PCSK2: variants seen among roughly 807,000 people sequenced by gnomAD.
PCSK2 encodes the protein proprotein convertase subtilisin/kexin type 2, also known as neuroendocrine convertase 2.
Under a neutral mutation model 69.7 loss-of-function variants are expected in PCSK2, and 14 were observed. That is an observed-to-expected ratio of 0.20 (90% CI 0.13 to 0.31). The LOEUF (loss-of-function observed/expected upper bound fraction) is 0.31. Ranked by LOEUF, PCSK2 falls within the 10% of genes least tolerant of loss-of-function variation. The pLI is 1.00. For missense variants in PCSK2, 544 were observed against 842.5 expected (o/e 0.65, Z 4.39); for synonymous variants, 307 against 320.7 (o/e 0.96, Z 0.46).
At chr20:17,468,057 GGTAA>G (rs2033131803) in intron 11 of PCSK2, among the ~76,000 whole-genome samples, 1 of 146,090 alleles carries the variant, frequency 6.8e-6, no homozygotes, top group African/African-American at 2.5e-5. Context: ...GCCTACCATA[GGTAA>G]GCATCCTCCC....
At chr20:17,362,957 C>T (rs2030452176) in intron 4 of PCSK2, among the ~76,000 whole-genome samples, 1 of 152,234 alleles carries the variant, frequency 6.6e-6, no homozygotes, top group African/African-American at 2.4e-5. Context: ...ACAGCTAGAA[C>T]CGGGAAGGCT....
chr20:17,355,193 G>A (rs567568947), intron 2 of PCSK2, among the ~76,000 whole-genome samples: 117 of 152,332 alleles, frequency 7.7e-4, no homozygotes, highest in African/African-American at 2.7e-3. Context: ...TGGTCTAAAT[G>A]AGTTTGGAGT....
intron 4 of PCSK2, among the ~76,000 whole-genome samples, chr20:17,368,952 C>A (rs2030679011): frequency 6.6e-6 from 1 of 152,206 alleles, no homozygotes; most frequent in African/African-American, 2.4e-5. Flanking sequence ...TTAAAAATGT[C>A]AAGATTTCTA....
chr20:17,231,514 C>A (rs2122929467), intron 1 of PCSK2, among the ~76,000 whole-genome samples: 1 of 152,270 alleles, frequency 6.6e-6, no homozygotes, highest in Middle Eastern at 3.4e-3. Context: ...ATATTAAAGT[C>A]TACGTATTTT....
intron 2 of PCSK2, among the ~76,000 whole-genome samples, chr20:17,346,064 GC>G (rs965947267): frequency 7.9e-5 from 12 of 152,230 alleles, no homozygotes; most frequent in African/African-American, 2.9e-4. Flanking sequence ...CATTAATGAG[GC>G]CCCCCTCCGG....
At chr20:17,480,171 A>AT (rs1187214710) in intron 11 of PCSK2, among the ~76,000 whole-genome samples, 5 of 107,528 alleles carry the variant, frequency 4.6e-5, no homozygotes, top group African/African-American at 1.4e-4. Context: ...TAATTTACCC[A>AT]TTTTCAGCTT....
At chr20:17,444,030 C>T (rs2123364245) in intron 8 of PCSK2, among the ~76,000 whole-genome samples, 1 of 152,252 alleles carries the variant, frequency 6.6e-6, no homozygotes, top group East Asian at 1.9e-4. Flanking sequence ...ATTTTTTGGA[C>T]AACATTGTAG....
chr20:17,412,303 T>G (rs1033877951), intron 6 of PCSK2, among the ~76,000 whole-genome samples: 1 of 152,170 alleles, frequency 6.6e-6, no homozygotes, highest in Non-Finnish European at 1.5e-5. Flanking sequence ...GATGAATGGC[T>G]AACCAGAATA....
intron 5 of PCSK2, among the ~76,000 whole-genome samples, chr20:17,382,485 C>A (rs1275729399): frequency 6.6e-6 from 1 of 152,154 alleles, no homozygotes; most frequent in Admixed American, 6.5e-5. Flanking sequence ...CCACATCTTA[C>A]CAAATGGCAT....
At chr20:17,256,808 T>A (rs776704153) in intron 1 of PCSK2, among the ~76,000 whole-genome samples, 1 of 152,100 alleles carries the variant, frequency 6.6e-6, no homozygotes, top group Non-Finnish European at 1.5e-5. Context: ...TGTGTGATGT[T>A]CCCCTTTCTG....
intron 2 of PCSK2, among the ~76,000 whole-genome samples, chr20:17,326,186 A>G (rs1273807421): frequency 3.3e-5 from 5 of 152,222 alleles, no homozygotes; most frequent in African/African-American, 1.2e-4. Flanking sequence ...CGAGCAATCT[A>G]CCTCAATATT....
intron 1 of PCSK2, among the ~76,000 whole-genome samples, chr20:17,257,126 C>T (rs1209546836): frequency 6.6e-6 from 1 of 152,046 alleles, no homozygotes; most frequent in East Asian, 1.9e-4. Flanking sequence ...TGAACAGACA[C>T]TTCTCAAAGG....
chr20:17,266,849 A>C (rs1323223194), intron 2 of PCSK2, among the ~76,000 whole-genome samples: 2 of 152,178 alleles, frequency 1.3e-5, no homozygotes, highest in African/African-American at 4.8e-5. Context: ...ACATAGTCTT[A>C]GGTAAATCAC....
chr20:17,431,844 C>T (rs1269194021), intron 7 of PCSK2, among the ~76,000 whole-genome samples: 1 of 152,234 alleles, frequency 6.6e-6, no homozygotes, highest in Non-Finnish European at 1.5e-5. Flanking sequence ...CAAAAGTTGG[C>T]TGGTTTTTAA....
rs1028101874 is a variant in PCSK2, at chr20:17,343,623, G to A, written c.283-14704G>A. 2.7e-4 allele frequency among the ~76,000 whole-genome samples: 41 copies of A among 152,234 alleles called. 1 individual carries two copies. The highest frequency in any genetic ancestry group is 5.2e-4 in the Admixed American group (8 of 15,286). ...GCAAGGTGGGGTTAAGGTTTTAGAC[G>A]AAATGAAAGTTGTTAATAAGCTGGC... On this transcript the variant is annotated intron_variant, in intron 2 of 11. Coordinates refer to ENST00000262545, the MANE Select transcript of PCSK2 (RefSeq NM_002594.5).
chr20:17,483,867 A>AT lies in PCSK2; in HGVS notation c.*1799dup, dbSNP rs1464801560. The stretch of plus-strand genomic sequence containing the variant: ...ATGGTCTAAAAATAAACCAAAGGAC[A>AT]TTATGTGTGCATGTGTGTATAAGTG... On this transcript the variant is annotated 3_prime_UTR_variant, in exon 12 of 12. Transcript: ENST00000262545. 1 of 152,662 alleles carries AT rather than the reference A, an allele frequency of 6.6e-6. No homozygotes were observed. The highest frequency in any genetic ancestry group is 1.5e-5 in the Non-Finnish European group (1 of 68,042). The allele number at this position is 152,662 out of a possible 1,614,324, so 9.5% of individuals were successfully genotyped here.
At chr20:17,475,675 A>G (rs1244592895) in intron 11 of PCSK2, among the ~76,000 whole-genome samples, 1 of 152,196 alleles carries the variant, frequency 6.6e-6, no homozygotes, top group African/African-American at 2.4e-5. Flanking sequence ...GTCTGTCACT[A>G]TGACTCCAGT....
chr20:17,466,967 A>G (rs2033114010), intron 11 of PCSK2, among the ~76,000 whole-genome samples: 1 of 152,202 alleles, frequency 6.6e-6, no homozygotes. Context: ...TAGCTCATTC[A>G]TTCTCATTCT....
At chr20:17,352,464 G>A (rs376559835) in intron 2 of PCSK2, among the ~76,000 whole-genome samples, 2 of 152,330 alleles carry the variant, frequency 1.3e-5, no homozygotes, top group African/African-American at 4.8e-5. Flanking sequence ...TAAGCCTACA[G>A]TAATCAAAGC....
Sources: allele counts gnomAD v4.1 joint callset (sites outside exome capture counted in the v4.1 genomes callset), GRCh38; gene constraint gnomAD v4.1.1; transcripts MANE v1.5; gene names NCBI Gene and HGNC (gene_info 2026-07-23, HGNC 2026-07-21).